The following TTC7B variants were observed in gnomAD, a reference collection of about 807,000 sequenced individuals.
The protein encoded by TTC7B is tetratricopeptide repeat domain 7B, also known as tetratricopeptide repeat protein 7B.
A neutral mutation model predicts 106.8 loss-of-function variants in TTC7B; 28 were observed. The ratio of observed to expected loss-of-function variants is 0.26; its 90% CI spans 0.19 to 0.36. The LOEUF (loss-of-function observed/expected upper bound fraction) is 0.36. TTC7B is among the 10% of genes least tolerant of loss of function. The pLI is 1.00. For synonymous variants in TTC7B, 405 were observed against 430.6 expected (o/e 0.94, Z 0.74); for missense variants, 862 against 1,076.4 (o/e 0.80, Z 2.79).
chr14:90,596,660 T>C (rs1268422139), intron 17 of TTC7B, among the ~76,000 whole-genome samples: 1 of 152,176 alleles, frequency 6.6e-6, no homozygotes, highest in Non-Finnish European at 1.5e-5. Flanking sequence ...TGGTCCTTGG[T>C]GCTTCTATGT....
In TTC7B at chr14:90,578,277, T is replaced by C. The variant is rs757971745; in HGVS notation, c.2139A>G (p.Ala713=). Residue 713 remains alanine (A), a synonymous_variant, in exon 19 of 20, where the codon GCA becomes GCG. Transcript: ENST00000328459. This position sits in a 1 kb window ranked among gnomAD's most constrained non-coding sequence, Gnocchi z 4.7. ...CTTCTTGGGTACAGGCTGTGGCTTC[T>C]GCAGGCTTCCCGATGCCGATATAGA... ...AEVYIGIGKP[A]EATACTQEAA... 3.1e-6 allele frequency: 5 copies of C among 1,614,202 alleles called. No individual in the cohort carries two copies. Among genetic ancestry groups the C allele is most frequent in the Non-Finnish European group, 4.2e-6 (5 of 1,180,044 alleles).
At chr14:90,770,473 A>G (rs1343838396) in intron 3 of TTC7B, among the ~76,000 whole-genome samples, 3 of 152,126 alleles carry the variant, frequency 2.0e-5, no homozygotes, top group East Asian at 1.9e-4. Context: ...CCTGACCAAC[A>G]TGGAGAAACC....
chr14:90,762,968 ATACT>A (rs923660906), intron 3 of TTC7B, among the ~76,000 whole-genome samples: 15 of 152,228 alleles, frequency 9.9e-5, no homozygotes, highest in African/African-American at 3.6e-4. Flanking sequence ...ACTGTACCAA[ATACT>A]TAAAGAACTA....
chr14:90,714,266 C>T (rs528152123), intron 5 of TTC7B, among the ~76,000 whole-genome samples: 49 of 151,862 alleles, frequency 3.2e-4, no homozygotes, highest in African/African-American at 9.9e-4. Flanking sequence ...CAATCAACTA[C>T]GTATTCTATG....
chr14:90,745,234 T>C (rs1253394875), intron 3 of TTC7B, among the ~76,000 whole-genome samples: 1 of 146,682 alleles, frequency 6.8e-6, no homozygotes, highest in Non-Finnish European at 1.5e-5. Flanking sequence ...AGTTTGAGAC[T>C]GCAGTGAGCC....
In TTC7B at chr14:90,680,134, G is replaced by T. The variant is rs185847245; in HGVS notation, c.1014+338C>A. 1.2e-3 allele frequency among the ~76,000 whole-genome samples: 176 copies of T among 152,264 alleles called. 1 individual carries two copies. Among genetic ancestry groups the T allele is most frequent in the African/African-American group, 3.9e-3 (160 of 41,554 alleles). Reference sequence around the variant, plus strand: ...TTGGGGGCCTCTTTCTCCTTTTAAGGTTCCTCCAGTGGTCATTTTAGCTGT... The same window carrying T: ...TTGGGGGCCTCTTTCTCCTTTTAAGTTTCCTCCAGTGGTCATTTTAGCTGT... On this transcript the variant is annotated intron_variant, in intron 8 of 19. Coordinates refer to ENST00000328459, the MANE Select transcript of TTC7B (RefSeq NM_001010854.2).
At chr14:90,562,634 T>G (rs1890637807) in intron 19 of TTC7B, among the ~76,000 whole-genome samples, 1 of 152,252 alleles carries the variant, frequency 6.6e-6, no homozygotes, top group Non-Finnish European at 1.5e-5. Flanking sequence ...CAAAGGCTAG[T>G]ATTTTAAAGT....
At chr14:90,616,974 T>A (rs1375455976) in intron 16 of TTC7B, among the ~76,000 whole-genome samples, 1 of 152,194 alleles carries the variant, frequency 6.6e-6, no homozygotes, top group Non-Finnish European at 1.5e-5. Flanking sequence ...ACATCCCTTC[T>A]CATTAAATGA....
At chr14:90,760,495 T>C (rs1313989691) in intron 3 of TTC7B, among the ~76,000 whole-genome samples, 5 of 152,220 alleles carry the variant, frequency 3.3e-5, no homozygotes, top group Admixed American at 3.3e-4. Context: ...AACCTCACAC[T>C]GGCTTGTCCT....
intron 15 of TTC7B, among the ~76,000 whole-genome samples, chr14:90,621,725 G>A (rs1166573469): frequency 6.6e-6 from 1 of 152,232 alleles, no homozygotes; most frequent in East Asian, 1.9e-4. Flanking sequence ...CAGGAACAGA[G>A]CGTGCTGCCT....
intron 1 of TTC7B, among the ~76,000 whole-genome samples, chr14:90,795,294 GT>G (rs1891737529): frequency 6.6e-6 from 1 of 152,212 alleles, no homozygotes; most frequent in Non-Finnish European, 1.5e-5. Context: ...TGAGAGCTGG[GT>G]AACAAACAAG....
In TTC7B at chr14:90,757,140, C is replaced by T. The variant is rs1047250717; in HGVS notation, c.446-12218G>A. Among the ~76,000 whole-genome samples the T allele has an allele frequency of 1.3e-5, 2 of 152,166 alleles. No individual in the cohort carries two copies. The highest frequency in any genetic ancestry group is 4.8e-5 in the African/African-American group (2 of 41,444). ...GGCCCCACAGCGCCCCCTCACAACC[C>T]CTACTACCACATCTCTGGGTTTCCT... On this transcript the variant is annotated intron_variant, in intron 3 of 19. Coordinates refer to ENST00000328459, the MANE Select transcript of TTC7B (RefSeq NM_001010854.2). This position sits in a 1 kb window ranked among gnomAD's most constrained non-coding sequence, Gnocchi z 4.1.
At chr14:90,611,761 T>C (rs1279551990) in intron 16 of TTC7B, among the ~76,000 whole-genome samples, 1 of 152,148 alleles carries the variant, frequency 6.6e-6, no homozygotes, top group Non-Finnish European at 1.5e-5. Flanking sequence ...GGAGAGAAAC[T>C]GTTAAGGGAT....
chr14:90,658,167 G>T, intron 10 of TTC7B, 137 bp downstream of exon 10: 1 of 729,526 alleles, frequency 1.4e-6, no homozygotes, highest in Non-Finnish European at 2.3e-6. Context: ...TGTTCACTGA[G>T]AACGGACCAC....
intron 7 of TTC7B, among the ~76,000 whole-genome samples, chr14:90,684,402 T>G (rs1387592477): frequency 1.3e-5 from 2 of 151,936 alleles, no homozygotes; most frequent in Non-Finnish European, 2.9e-5. Flanking sequence ...AACATGTAGA[T>G]GCAGGGGGAA....
At chr14:90,593,647 G>A (rs1892069210) in intron 17 of TTC7B, 21 bp from the exon 18 acceptor site, 1 of 1,567,082 alleles carries the variant, frequency 6.4e-7, no homozygotes, top group African/African-American at 1.4e-5. Context: ...TTTTTGAGAA[G>A]ACTCTATCAG....
intron 19 of TTC7B, among the ~76,000 whole-genome samples, chr14:90,561,332 A>C (rs1176537246): frequency 6.6e-6 from 1 of 152,162 alleles, no homozygotes. Flanking sequence ...CATACTGTAC[A>C]TGTGTGCACG....
At chr14:90,606,487 C>T (rs961030899) in intron 17 of TTC7B, among the ~76,000 whole-genome samples, 9 of 152,132 alleles carry the variant, frequency 5.9e-5, no homozygotes, top group African/African-American at 2.2e-4. Context: ...ATCCCCTTAC[C>T]CCACATCCTG....
intron 5 of TTC7B, among the ~76,000 whole-genome samples, chr14:90,720,366 C>T (rs1888845779): frequency 6.6e-6 from 1 of 152,178 alleles, no homozygotes; most frequent in Admixed American, 6.5e-5. Context: ...AAGAGTATAA[C>T]GATCTGATTT....
Sources: gnomAD v4.1 joint callset for allele counts (sites outside exome capture counted in the v4.1 genomes callset) on GRCh38, gnomAD v4.1.1 for gene constraint, Gnocchi (gnomAD v3.1) non-coding constraint, MANE v1.5 for transcripts, NCBI Gene and HGNC (gene_info 2026-07-23, HGNC 2026-07-21) for gene names.